The following RNF216 variants were observed in gnomAD, a reference collection of about 807,000 sequenced individuals.
The protein encoded by RNF216 is ring finger protein 216.
In RNF216, 72 loss-of-function variants were observed where a neutral mutation model predicts 110.8. The ratio of observed to expected loss-of-function variants is 0.65; its 90% CI spans 0.54 to 0.79. The LOEUF is 0.79. Ranked by LOEUF, RNF216 falls within the 30% of genes least tolerant of loss-of-function variation. RNF216 has a pLI of 0.00. For synonymous variants in RNF216, 495 were observed against 407.5 expected (o/e 1.21, Z -2.59); for missense variants, 1,342 against 1,141.2 (o/e 1.18, Z -2.54).
chr7:5,765,243 C>T (rs1373978131), intron 1 of RNF216, among the ~76,000 whole-genome samples: 2 of 151,946 alleles, frequency 1.3e-5, no homozygotes, highest in Non-Finnish European at 2.9e-5. Flanking sequence ...CAGTGGATTG[C>T]TTAAGGTCAG....
At chr7:5,763,606 T>C (rs1459730186) in intron 1 of RNF216, among the ~76,000 whole-genome samples, 2 of 152,216 alleles carry the variant, frequency 1.3e-5, no homozygotes, top group South Asian at 2.1e-4. Flanking sequence ...AGTCTCTCTC[T>C]GTCATCCTGG....
At chr7:5,776,019 G>T (rs1012473222) in intron 1 of RNF216, among the ~76,000 whole-genome samples, 7 of 152,050 alleles carry the variant, frequency 4.6e-5, no homozygotes, top group Non-Finnish European at 8.8e-5. Flanking sequence ...AATACCAGTT[G>T]CTCATCCTAA....
At chr7:5,781,295 G>A (rs1312444847) in intron 1 of RNF216, among the ~76,000 whole-genome samples, 1 of 152,214 alleles carries the variant, frequency 6.6e-6, no homozygotes, top group African/African-American at 2.4e-5. Flanking sequence ...GTGGCGAGAG[G>A]GGGCCACCCG....
chr7:5,668,973 T>C (rs147820300), intron 13 of RNF216, among the ~76,000 whole-genome samples: 2 of 152,372 alleles, frequency 1.3e-5, no homozygotes, highest in African/African-American at 4.8e-5. Flanking sequence ...AGCCGAAATC[T>C]AGTCATCTCC....
At chr7:5,656,625 C>T (rs1483814758) in intron 13 of RNF216, among the ~76,000 whole-genome samples, 1 of 152,184 alleles carries the variant, frequency 6.6e-6, no homozygotes, top group African/African-American at 2.4e-5. Flanking sequence ...CCACGTTCTT[C>T]ACGTCATCAT....
At chr7:5,719,507 G>A (rs539385520) in intron 9 of RNF216, among the ~76,000 whole-genome samples, 71 of 152,166 alleles carry the variant, frequency 4.7e-4, no homozygotes, top group African/African-American at 1.5e-3. Flanking sequence ...TACAGGGGTC[G>A]GGTTAAGAGA....
At chr7:5,738,230 A>AT (rs1297083444) in intron 5 of RNF216, among the ~76,000 whole-genome samples, 1 of 152,016 alleles carries the variant, frequency 6.6e-6, no homozygotes, top group African/African-American at 2.4e-5. Flanking sequence ...CTTATAAAAA[A>AT]TTTTTTTAAA....
chr7:5,630,844 C>T (rs1360910800), intron 15 of RNF216, among the ~76,000 whole-genome samples: 1 of 152,190 alleles, frequency 6.6e-6, no homozygotes, highest in Admixed American at 6.5e-5. Context: ...CTGATTGCCA[C>T]GCTGCAGATG....
chr7:5,631,106 CCCTTA>C (rs1787043523), intron 15 of RNF216, among the ~76,000 whole-genome samples: 1 of 152,132 alleles, frequency 6.6e-6, no homozygotes, highest in Non-Finnish European at 1.5e-5. Context: ...CTCCTTTCTC[CCCTTA>C]CAAGACGTAA....
chr7:5,762,829 T>C (rs1796004178), intron 1 of RNF216, among the ~76,000 whole-genome samples: 2 of 152,234 alleles, frequency 1.3e-5, no homozygotes, highest in South Asian at 4.1e-4. Flanking sequence ...ATAACATCTT[T>C]TTTCTTTCTT....
chr7:5,776,699 G>C (rs1039970072), intron 1 of RNF216, among the ~76,000 whole-genome samples: 18 of 151,298 alleles, frequency 1.2e-4, no homozygotes, highest in African/African-American at 3.4e-4. Flanking sequence ...TCAGATCTGG[G>C]TTTATCCTTT....
intron 13 of RNF216, among the ~76,000 whole-genome samples, chr7:5,687,301 A>C (rs564914076): frequency 5.2e-4 from 75 of 143,702 alleles, no homozygotes; most frequent in Non-Finnish European, 8.8e-4. Flanking sequence ...GAGGCTGAGG[A>C]GGGAGAATCA....
chr7:5,675,466 C>G (rs1790221864), intron 13 of RNF216, among the ~76,000 whole-genome samples: 1 of 150,994 alleles, frequency 6.6e-6, no homozygotes, highest in Non-Finnish European at 1.5e-5. Context: ...AGCAAGACAC[C>G]CTCTACGAAA....
chr7:5,715,228 A>C (rs749544387), intron 10 of RNF216, 38 bp from the exon 11 acceptor site: 5 of 1,591,230 alleles, frequency 3.1e-6, no homozygotes, highest in African/African-American at 1.3e-5. Flanking sequence ...AATGTCCTGC[A>C]CTTAAGGAGA....
chr7:5,638,323 G>A (rs1255265844), intron 15 of RNF216, among the ~76,000 whole-genome samples: 1 of 152,196 alleles, frequency 6.6e-6, no homozygotes, highest in African/African-American at 2.4e-5. Context: ...TTTAAATGGT[G>A]TTTCTAAATT....
At chr7:5,724,074 G>A (rs1329706870) in intron 8 of RNF216, among the ~76,000 whole-genome samples, 2 of 152,218 alleles carry the variant, frequency 1.3e-5, no homozygotes, top group African/African-American at 4.8e-5. Context: ...GTGAGATGCA[G>A]CAAAACTGAG....
chr7:5,712,662 G>C, intron 12 of RNF216, 53 bp downstream of exon 12: 1 of 1,595,548 alleles, frequency 6.3e-7, no homozygotes, highest in Non-Finnish European at 8.6e-7. Flanking sequence ...TGCCCAGGTA[G>C]TTTTCACAAT....
chr7:5,666,629 G>C (rs542355228), intron 13 of RNF216: 4 of 152,094 alleles, frequency 2.6e-5, no homozygotes, highest in Admixed American at 1.3e-4. Context: ...TCCCTTTCAC[G>C]GGGAGCTCTC....
At chr7:5,774,759 CTTT>C (rs201172961) in intron 1 of RNF216, among the ~76,000 whole-genome samples, 58,643 of 148,144 alleles carry the variant, frequency 0.4, 12,191 homozygotes, top group Admixed American at 0.49. Context: ...TTCCAAGTTA[CTTT>C]TTTTTTTTTT....
Sources: allele counts gnomAD v4.1 joint callset (sites outside exome capture counted in the v4.1 genomes callset), GRCh38; gene constraint gnomAD v4.1.1; transcripts MANE v1.5; gene names NCBI Gene and HGNC (gene_info 2026-07-23, HGNC 2026-07-21).